The following PTPRD variants were observed in gnomAD, a reference collection of about 807,000 sequenced individuals.
PTPRD encodes the protein protein tyrosine phosphatase receptor type D, also known as receptor-type tyrosine-protein phosphatase delta.
A neutral mutation model predicts 214.5 loss-of-function variants in PTPRD; 34 were observed. The ratio of observed to expected loss-of-function variants is 0.16; its 90% confidence interval spans 0.12 to 0.21. PTPRD has a LOEUF of 0.21. Ranked by LOEUF, PTPRD falls within the 10% of genes least tolerant of loss-of-function variation. The probability of loss-of-function intolerance (pLI) is 1.00; values close to 1 mark genes in which losing one functional copy is unlikely to be tolerated. For missense variants in PTPRD, 2,545 were observed against 2,398.7 expected, an observed-to-expected ratio of 1.06 and a Z score of -1.27; for synonymous variants, 1,128 against 845.7, an observed-to-expected ratio of 1.33 and a Z score of -5.79.
intron 14 of PTPRD, among the ~76,000 whole-genome samples, chr9:8,530,641 C>T (rs1043495998): frequency 6.6e-6 from 1 of 151,950 alleles, no homozygotes; most frequent in Non-Finnish European, 1.5e-5. Context: ...TCCACTGATT[C>T]CTAAGCCTAA....
At chr9:10,504,167 T>C (rs1344698509) in intron 2 of PTPRD, among the ~76,000 whole-genome samples, 1 of 130,476 alleles carries the variant, frequency 7.7e-6, no homozygotes, top group South Asian at 2.7e-4. Context: ...TGTCATTGAA[T>C]GGCGATTCTT....
At position 10,582,288 on chromosome 9, in the gene PTPRD, A is replaced by C. The variant is rs914196173; in HGVS notation, c.-600+30110T>G. Among the ~76,000 whole-genome samples, 6 of 152,106 alleles carry C rather than the reference A, an allele frequency of 3.9e-5. No homozygotes were observed. The South Asian group carries it at 1.2e-3, about 31-fold the overall frequency. ...TTTCTATACCGGACCTTGTTTTTTC[A>C]TACCTCTGTCCTCATATTTTCCTTT... On this transcript the variant is annotated intron_variant, in intron 2 of 45. Transcript: ENST00000381196.
intron 9 of PTPRD, among the ~76,000 whole-genome samples, chr9:9,285,666 G>T (rs1014374064): frequency 6.6e-6 from 1 of 151,728 alleles, no homozygotes. Context: ...GGCCAGCACA[G>T]CTTGCTATTG....
chr9:9,510,765 C>A (rs1305764200), intron 8 of PTPRD, among the ~76,000 whole-genome samples: 3 of 151,484 alleles, frequency 2.0e-5, no homozygotes, highest in Non-Finnish European at 4.4e-5. Flanking sequence ...GATTTACCAC[C>A]TCATTATATA....
At chr9:8,716,161 G>A (rs1461890851) in intron 12 of PTPRD, among the ~76,000 whole-genome samples, 1 of 152,166 alleles carries the variant, frequency 6.6e-6, no homozygotes, top group Non-Finnish European at 1.5e-5. Flanking sequence ...GACTCCAGAG[G>A]ATGGATGAAA....
intron 11 of PTPRD, among the ~76,000 whole-genome samples, chr9:8,813,707 G>T (rs962445527): frequency 6.6e-6 from 1 of 152,120 alleles, no homozygotes; most frequent in African/African-American, 2.4e-5. Flanking sequence ...TGTGAGGCTC[G>T]CTTCTCTTAA....
At chr9:10,148,852 A>G (rs888694542) in intron 3 of PTPRD, among the ~76,000 whole-genome samples, 1 of 152,170 alleles carries the variant, frequency 6.6e-6, no homozygotes, top group African/African-American at 2.4e-5. Context: ...ACTATCTCAG[A>G]CACATTTTAA....
At chr9:8,325,705 C>A (rs540660558) in intron 44 of PTPRD, among the ~76,000 whole-genome samples, 9 of 152,050 alleles carry the variant, frequency 5.9e-5, no homozygotes, top group African/African-American at 1.9e-4. Flanking sequence ...ATTGATTCTT[C>A]CTATCCGTGA....
intron 12 of PTPRD, among the ~76,000 whole-genome samples, chr9:8,722,882 G>C (rs1036011930): frequency 4.6e-5 from 7 of 152,206 alleles, no homozygotes; most frequent in Admixed American, 2.0e-4. Flanking sequence ...CTTTGGTGTT[G>C]CAAGTCTATA....
chr9:8,828,553 G>GTA (rs2097219196), intron 11 of PTPRD, among the ~76,000 whole-genome samples: 1 of 152,128 alleles, frequency 6.6e-6, no homozygotes, highest in Non-Finnish European at 1.5e-5. Flanking sequence ...TTTTGTTGCA[G>GTA]TAGCTCAAAG....
chr9:9,688,000 C>G (rs1391279873), intron 7 of PTPRD, among the ~76,000 whole-genome samples: 1 of 151,748 alleles, frequency 6.6e-6, no homozygotes, highest in African/African-American at 2.4e-5. Flanking sequence ...CTCATGGGAT[C>G]TGATGATTTC....
chr9:10,400,050 T>A (rs528235837), intron 2 of PTPRD, among the ~76,000 whole-genome samples: 8 of 151,956 alleles, frequency 5.3e-5, no homozygotes, highest in African/African-American at 1.7e-4. Context: ...AAAAACTTAG[T>A]TATGTCCTAT....
chr9:9,750,317 A>G (rs2098504229), intron 6 of PTPRD, among the ~76,000 whole-genome samples: 1 of 152,146 alleles, frequency 6.6e-6, no homozygotes, highest in African/African-American at 2.4e-5. Flanking sequence ...TTTAGTTATC[A>G]AGCCATCCAA....
At chr9:9,950,266 G>A (rs576659394) in intron 4 of PTPRD, among the ~76,000 whole-genome samples, 1 of 152,156 alleles carries the variant, frequency 6.6e-6, no homozygotes, top group African/African-American at 2.4e-5. Context: ...TGGGGATGCT[G>A]TGAATTCTTG....
chr9:9,735,350 A>C (rs1304772380), intron 6 of PTPRD, among the ~76,000 whole-genome samples: 2 of 152,156 alleles, frequency 1.3e-5, no homozygotes, highest in Non-Finnish European at 2.9e-5. Context: ...ATTATTCTTT[A>C]AACATTTGAT....
intron 8 of PTPRD, among the ~76,000 whole-genome samples, chr9:9,566,148 A>C (rs555124091): frequency 1.3e-5 from 2 of 152,012 alleles, no homozygotes; most frequent in African/African-American, 4.8e-5. Context: ...TCCAGTACTT[A>C]TTAAAATTCT....
chr9:10,414,038 G>C (rs1443060997), intron 2 of PTPRD, among the ~76,000 whole-genome samples: 1 of 151,896 alleles, frequency 6.6e-6, no homozygotes, highest in Non-Finnish European at 1.5e-5. Context: ...TCTGCACATA[G>C]AAATGGGCAA....
intron 11 of PTPRD, among the ~76,000 whole-genome samples, chr9:8,990,466 T>C (rs946740159): frequency 5.3e-5 from 8 of 152,142 alleles, no homozygotes; most frequent in African/African-American, 1.9e-4. Context: ...GAAAACAAAA[T>C]ACCAAAGTGA....
At chr9:8,994,222 T>C (rs1387763762) in intron 11 of PTPRD, among the ~76,000 whole-genome samples, 1 of 152,116 alleles carries the variant, frequency 6.6e-6, no homozygotes, top group Non-Finnish European at 1.5e-5. Context: ...ATAACTTGCT[T>C]AATTTGACTT....
Sources: gnomAD v4.1 joint callset for allele counts (sites outside exome capture counted in the v4.1 genomes callset) on GRCh38, gnomAD v4.1.1 for gene constraint, MANE v1.5 for transcripts, NCBI Gene and HGNC (gene_info 2026-07-23, HGNC 2026-07-21) for gene names.